The following PHKB variants were observed in gnomAD, a reference collection of about 807,000 sequenced individuals.
PHKB encodes the protein phosphorylase kinase regulatory subunit beta.
PHKB carries 122 observed loss-of-function variants against 152.1 expected under a neutral mutation model. The ratio of observed to expected loss-of-function variants is 0.80; its 90% CI spans 0.69 to 0.93. PHKB has a LOEUF of 0.93. Among genes scored for constraint, PHKB ranks in the 40% least tolerant of loss-of-function variants. The probability of loss-of-function intolerance (pLI) is 0.00; values close to 1 mark genes in which losing one functional copy is unlikely to be tolerated. For missense variants in PHKB, 1,304 were observed against 1,328.4 expected (o/e 0.98, Z 0.29); for synonymous variants, 436 against 464.9 (o/e 0.94, Z 0.80).
chr16:47,565,860 C>G (rs2151684470), intron 7 of PHKB: 1 of 1,252,822 alleles, frequency 8.0e-7, no homozygotes, highest in Non-Finnish European at 1.1e-6. Flanking sequence ...CTGGGAGGTA[C>G]TAGCAGAGGA....
chr16:47,513,206 C>T (rs1970539296), intron 5 of PHKB, among the ~76,000 whole-genome samples: 1 of 152,106 alleles, frequency 6.6e-6, no homozygotes, highest in African/African-American at 2.4e-5. Context: ...TACAACTTGC[C>T]ATGTACTGAC....
Position 47,689,084 on chromosome 16 carries a change from G to A in PHKB, c.2674G>A (p.Gly892Arg), listed in dbSNP as rs149983469. The change falls in exon 27 of 31, where the codon GGA becomes AGA. Residue 892 changes from glycine (G) to arginine (R), a missense_variant. Transcript: ENST00000323584. ...AMEYELQIRGGDKPALDLYQL... is the reference protein window; with the variant it reads ...AMEYELQIRGRDKPALDLYQL... ...GGAGTATGAACTTCAGATCCGTGGC[G>A]GAGACAAGCCAGCCTTGGACTTGTA... is the stretch of plus-strand genomic sequence containing the variant. 1.2e-4 allele frequency: 191 copies of A among 1,613,812 alleles called. No homozygotes were observed. The highest frequency in any genetic ancestry group is 3.3e-4 in the African/African-American group (25 of 74,856).
At chr16:47,691,534 A>G (rs1974060260) in intron 27 of PHKB, among the ~76,000 whole-genome samples, 1 of 152,074 alleles carries the variant, frequency 6.6e-6, no homozygotes, top group African/African-American at 2.4e-5. Context: ...GCAAGACCCC[A>G]TCTCTACAAA....
intron 26 of PHKB, among the ~76,000 whole-genome samples, chr16:47,683,581 T>C (rs2142096042): frequency 6.6e-6 from 1 of 152,272 alleles, no homozygotes; most frequent in African/African-American, 2.4e-5. Flanking sequence ...GGATATAATC[T>C]CCTGGTGTGC....
chr16:47,546,284 C>G (rs1971162645), intron 6 of PHKB, among the ~76,000 whole-genome samples: 1 of 152,148 alleles, frequency 6.6e-6, no homozygotes, highest in Admixed American at 6.5e-5. Context: ...GTGTGGATGT[C>G]CTTTTCGTTG....
At chr16:47,592,199 GT>G (rs1047090756) in intron 10 of PHKB, among the ~76,000 whole-genome samples, 1 of 152,218 alleles carries the variant, frequency 6.6e-6, no homozygotes, top group Non-Finnish European at 1.5e-5. Flanking sequence ...AGCTGGTCCT[GT>G]TTTTTGCCCT....
intron 27 of PHKB, among the ~76,000 whole-genome samples, chr16:47,690,485 C>G (rs920188534): frequency 5.9e-5 from 9 of 152,020 alleles, no homozygotes; most frequent in Non-Finnish European, 1.2e-4. Flanking sequence ...GAAACTGGAA[C>G]AAAACATATG....
intron 1 of PHKB, among the ~76,000 whole-genome samples, chr16:47,492,728 A>T (rs1244443540): frequency 6.6e-6 from 1 of 152,178 alleles, no homozygotes; most frequent in Non-Finnish European, 1.5e-5. Context: ...AACACCTGGG[A>T]GTGACAGGGG....
intron 6 of PHKB, among the ~76,000 whole-genome samples, chr16:47,534,779 T>C (rs1970922892): frequency 6.6e-6 from 1 of 152,242 alleles, no homozygotes; most frequent in African/African-American, 2.4e-5. Flanking sequence ...TCCTGTGCTA[T>C]GGTGCTTTAA....
intron 1 of PHKB, among the ~76,000 whole-genome samples, chr16:47,481,926 G>A (rs562225582): frequency 7.2e-5 from 11 of 152,226 alleles, no homozygotes; most frequent in Admixed American, 4.6e-4. Flanking sequence ...TAGCTATGAA[G>A]ACCTTCTGTG....
intron 1 of PHKB, among the ~76,000 whole-genome samples, chr16:47,472,780 T>G (rs1969794922): frequency 1.3e-5 from 2 of 150,268 alleles, no homozygotes; most frequent in South Asian, 4.2e-4. Context: ...AGACTCCATC[T>G]CAAAAAAAAA....
chr16:47,490,284 TAGA>T (rs1368547229), intron 1 of PHKB, among the ~76,000 whole-genome samples: 2 of 152,202 alleles, frequency 1.3e-5, no homozygotes, highest in Admixed American at 6.5e-5. Context: ...TGAAAAGAAT[TAGA>T]AGAAGACAAC....
chr16:47,668,801 CTA>C lies in PHKB; in HGVS notation c.2428-411_2428-410del, dbSNP rs1309595854. On this transcript the variant is annotated intron_variant, in intron 25 of 30. Transcript: ENST00000323584. ...GAGGCAAAAGGATCTGCCTGAGAAA[CTA>C]TAAAAGAATCAAAAAGTTTATCTCT... is the stretch of plus-strand genomic sequence containing the variant. 8.5e-5 allele frequency among the ~76,000 whole-genome samples: 13 copies of C among 152,334 alleles called. No individual in the cohort carries two copies. In the East Asian group the frequency reaches 2.3e-3, roughly 27 times the overall value.
chr16:47,642,617 G>A lies in PHKB; in HGVS notation c.1608+925G>A, dbSNP rs145066746. On this transcript the variant is annotated intron_variant, in intron 16 of 30. Transcript: ENST00000323584. ...AAATGGTTGTAGTCAAAGTCTTGTTGCTATAACAGAAAAATGAAGGCTTAG... is the reference window on the plus strand; with the variant it reads ...AAATGGTTGTAGTCAAAGTCTTGTTACTATAACAGAAAAATGAAGGCTTAG... Among the ~76,000 whole-genome samples the A allele has an allele frequency of 8.4e-4, 128 of 152,242 alleles. 1 individual carries two copies. Among genetic ancestry groups the A allele is most frequent in the African/African-American group, 2.9e-3 (122 of 41,542 alleles).
At chr16:47,595,368 A>C (rs978128703) in intron 12 of PHKB, among the ~76,000 whole-genome samples, 7 of 152,218 alleles carry the variant, frequency 4.6e-5, no homozygotes, top group African/African-American at 1.7e-4. Flanking sequence ...CATTAGAAAA[A>C]TTAAGTTTAC....
intron 14 of PHKB, among the ~76,000 whole-genome samples, chr16:47,631,263 A>G (rs1972821389): frequency 6.6e-6 from 1 of 152,208 alleles, no homozygotes; most frequent in African/African-American, 2.4e-5. Context: ...ACGTGCAGTC[A>G]GGTTAAACTC....
intron 7 of PHKB, among the ~76,000 whole-genome samples, chr16:47,578,408 A>T (rs1020871724): frequency 1.3e-5 from 2 of 152,106 alleles, no homozygotes; most frequent in Non-Finnish European, 1.5e-5. Context: ...TTTGGGCATA[A>T]TAGTATAAGA....
intron 13 of PHKB, among the ~76,000 whole-genome samples, chr16:47,608,886 A>G (rs892483080): frequency 1.3e-5 from 2 of 152,110 alleles, no homozygotes; most frequent in Non-Finnish European, 2.9e-5. Flanking sequence ...GATACTTTTT[A>G]TTACTTTTTC....
intron 3 of PHKB, among the ~76,000 whole-genome samples, chr16:47,501,575 G>A (rs1323761757): frequency 2.0e-5 from 3 of 152,116 alleles, no homozygotes; most frequent in Non-Finnish European, 4.4e-5. Context: ...GAAGTGTGTA[G>A]GAGTGAAGGG....
Sources: allele counts gnomAD v4.1 joint callset (sites outside exome capture counted in the v4.1 genomes callset), GRCh38; gene constraint gnomAD v4.1.1; transcripts MANE v1.5; gene names NCBI Gene and HGNC (gene_info 2026-07-23, HGNC 2026-07-21).